Variants in CNTN1 observed in about 807,000 individuals in gnomAD.
CNTN1 encodes contactin-1.
Under a neutral mutation model 126.4 loss-of-function variants are expected in CNTN1, and 38 were observed. The ratio of observed to expected loss-of-function variants is 0.30; its 90% CI spans 0.23 to 0.39. The LOEUF (loss-of-function observed/expected upper bound fraction) is 0.39, where lower values mean the gene tolerates loss of function less well. Ranked by LOEUF, CNTN1 falls within the 10% of genes least tolerant of loss-of-function variation. The pLI is 1.00. For synonymous variants in CNTN1, 413 were observed against 422.6 expected, an observed-to-expected ratio of 0.98 and a Z score of 0.28; for missense variants, 1,009 against 1,248.4, an observed-to-expected ratio of 0.81 and a Z score of 2.89.
At chr12:40,899,646 G>A (rs1206103192) in intron 1 of CNTN1, among the ~76,000 whole-genome samples, 1 of 152,112 alleles carries the variant, frequency 6.6e-6, no homozygotes, top group Non-Finnish European at 1.5e-5. Flanking sequence ...TGTGAGCAAC[G>A]AAAATATTCC....
chr12:40,729,011 T>C (rs947111740), intron 1 of CNTN1: 15 of 152,886 alleles, frequency 9.8e-5, no homozygotes, highest in African/African-American at 3.4e-4. Flanking sequence ...GAAGGTGATA[T>C]TAACACTGAC....
chr12:40,884,483 C>T (rs1943966684), intron 1 of CNTN1, among the ~76,000 whole-genome samples: 1 of 151,484 alleles, frequency 6.6e-6, no homozygotes, highest in African/African-American at 2.4e-5. Flanking sequence ...ATCACTGTAT[C>T]AAAGTATCTG....
intron 5 of CNTN1, 123 bp from the exon 6 acceptor site, chr12:40,924,434 A>G (rs1945559468): frequency 1.5e-6 from 1 of 684,292 alleles, no homozygotes; most frequent in Non-Finnish European, 2.7e-6. Flanking sequence ...ACTAGGCTTC[A>G]CCAAACCACT....
intron 1 of CNTN1, among the ~76,000 whole-genome samples, chr12:40,835,543 C>T (rs1395188060): frequency 6.6e-6 from 1 of 152,088 alleles, no homozygotes. Context: ...CTATTACTTT[C>T]TATTTTACTA....
intron 3 of CNTN1, among the ~76,000 whole-genome samples, chr12:40,915,837 G>T (rs1945217547): frequency 6.6e-6 from 1 of 151,940 alleles, no homozygotes; most frequent in Non-Finnish European, 1.5e-5. Context: ...TCAAATTGTT[G>T]CTCCCAACAT....
chr12:40,764,470 G>T (rs1938998257), intron 1 of CNTN1, among the ~76,000 whole-genome samples: 2 of 152,032 alleles, frequency 1.3e-5, no homozygotes, highest in Non-Finnish European at 2.9e-5. Flanking sequence ...TTGATGTTAG[G>T]CTCCTACTCT....
At chr12:40,748,294 A>G (rs1468089089) in intron 1 of CNTN1, among the ~76,000 whole-genome samples, 3 of 152,144 alleles carry the variant, frequency 2.0e-5, no homozygotes, top group Admixed American at 6.6e-5. Context: ...TTTTATTTAC[A>G]TAAAAATTCA....
At chr12:40,725,437 AAG>A (rs1555145882) in intron 1 of CNTN1, among the ~76,000 whole-genome samples, 1 of 151,078 alleles carries the variant, frequency 6.6e-6, no homozygotes, top group Admixed American at 6.6e-5. Flanking sequence ...AAGAAAAAAA[AAG>A]AAAATTTGTA....
At chr12:41,035,654 G>A (rs1949242682) in intron 23 of CNTN1, among the ~76,000 whole-genome samples, 1 of 152,110 alleles carries the variant, frequency 6.6e-6, no homozygotes, top group Admixed American at 6.6e-5. Context: ...ACAAGTTTTT[G>A]GTAGGATGAT....
chr12:41,039,404 T>C (rs1938566543), intron 23 of CNTN1, among the ~76,000 whole-genome samples: 2 of 152,188 alleles, frequency 1.3e-5, no homozygotes, highest in African/African-American at 2.4e-5. Context: ...TTATGAGGTA[T>C]GTGAAATGGA....
intron 1 of CNTN1, among the ~76,000 whole-genome samples, chr12:40,759,774 A>ATTTTTTTTTTTTT (rs33992864): frequency 6.7e-4 from 90 of 133,550 alleles, no homozygotes; most frequent in African/African-American, 2.4e-3. Flanking sequence ...TGGCCCAGAT[A>ATTTTTTTTTTTTT]TTTTTTTTTT....
At chr12:41,059,561 C>A (rs1175380369) in intron 23 of CNTN1, among the ~76,000 whole-genome samples, 4 of 152,128 alleles carry the variant, frequency 2.6e-5, no homozygotes, top group Non-Finnish European at 4.4e-5. Context: ...TGTTCAATAC[C>A]TAAGTTTACT....
chr12:40,710,100 A>G (rs1046738491), intron 1 of CNTN1, among the ~76,000 whole-genome samples: 1 of 152,136 alleles, frequency 6.6e-6, no homozygotes, highest in African/African-American at 2.4e-5. Context: ...CTTCCTTTCA[A>G]TTGAACACTT....
At chr12:40,807,285 AATT>A (rs934604688) in intron 1 of CNTN1, among the ~76,000 whole-genome samples, 1 of 151,872 alleles carries the variant, frequency 6.6e-6, no homozygotes, top group African/African-American at 2.4e-5. Context: ...TGGTTCCCTC[AATT>A]ATTATTATTA....
chr12:40,949,643 A>G (rs1358123026), intron 14 of CNTN1, among the ~76,000 whole-genome samples: 6 of 133,184 alleles, frequency 4.5e-5, no homozygotes, highest in African/African-American at 1.2e-4. Flanking sequence ...CAATGACGCA[A>G]TCTCGGCTCA....
At chr12:40,982,931 G>A (rs537948514) in intron 16 of CNTN1, among the ~76,000 whole-genome samples, 23 of 144,022 alleles carry the variant, frequency 1.6e-4, no homozygotes, top group African/African-American at 4.4e-4. Context: ...ATCACACACC[G>A]GGGCCTGTCT....
chr12:40,982,490 T>G (rs1246536283), intron 16 of CNTN1, among the ~76,000 whole-genome samples: 1 of 152,202 alleles, frequency 6.6e-6, no homozygotes, highest in Non-Finnish European at 1.5e-5. Flanking sequence ...GCTTACTATG[T>G]AGCTCAATTT....
intron 1 of CNTN1, among the ~76,000 whole-genome samples, chr12:40,877,827 G>A (rs181791927): frequency 6.6e-6 from 1 of 151,950 alleles, no homozygotes; most frequent in African/African-American, 2.4e-5. Flanking sequence ...TTAAAGCTTG[G>A]GAAATTGAGA....
chr12:40,702,269 G>C (rs571076361), intron 1 of CNTN1, among the ~76,000 whole-genome samples: 1 of 151,848 alleles, frequency 6.6e-6, no homozygotes, highest in African/African-American at 2.4e-5. Flanking sequence ...TTTGTGAGCT[G>C]TGTCAATATT....
Sources: allele counts gnomAD v4.1 joint callset (sites outside exome capture counted in the v4.1 genomes callset), GRCh38; gene constraint gnomAD v4.1.1; transcripts MANE v1.5; gene names NCBI Gene and HGNC (gene_info 2026-07-23, HGNC 2026-07-21).